Variants in ALOX5 observed in about 807,000 individuals in gnomAD.
ALOX5 encodes the protein polyunsaturated fatty acid 5-lipoxygenase.
In ALOX5, 64 loss-of-function variants were observed where a neutral mutation model predicts 87.9. The ratio of observed to expected loss-of-function variants is 0.73; its 90% CI spans 0.60 to 0.90. The LOEUF is 0.90. Ranked by LOEUF, ALOX5 falls within the 40% of genes least tolerant of loss-of-function variation. The pLI is 0.00. For missense variants in ALOX5, 822 were observed against 907.5 expected (o/e 0.91, Z 1.21); for synonymous variants, 388 against 355.1 (o/e 1.09, Z -1.04).
intron 4 of ALOX5, among the ~76,000 whole-genome samples, chr10:45,422,831 C>T (rs7073082): frequency 0.77 from 117,666 of 152,124 alleles, 46,053 homozygotes; most frequent in African/African-American, 0.87. Context: ...CTCACAGGTC[C>T]GGAGGCTAGA....
chr10:45,443,518 G>A lies in ALOX5; in HGVS notation c.1554G>A (p.Met518Ile). ...TGAACGATGTCTACGTGTACGGCATGCGGGGCCGCAAGTCCTCAGGTAGGG... is the reference window on the plus strand; with the variant it reads ...TGAACGATGTCTACGTGTACGGCATACGGGGCCGCAAGTCCTCAGGTAGGG... ...DFVNDVYVYGMRGRKSSGFPK... is the reference protein window; with the variant it reads ...DFVNDVYVYGIRGRKSSGFPK... The change falls in exon 11 of 14, where the codon ATG becomes ATA. Residue 518 changes from methionine (M) to isoleucine (I), a missense_variant. By Grantham distance (10) the Met-to-Ile change is conservative (BLOSUM62 1). Transcript: ENST00000374391. 6.2e-7 allele frequency: 1 copy of A among 1,612,828 alleles called. No individual in the cohort carries two copies. Among genetic ancestry groups the A allele is most frequent in the Non-Finnish European group, 8.5e-7 (1 of 1,179,418 alleles).
chr10:45,376,146 C>G (rs1007674426), intron 1 of ALOX5, among the ~76,000 whole-genome samples: 1 of 152,168 alleles, frequency 6.6e-6, no homozygotes, highest in African/African-American at 2.4e-5. Flanking sequence ...GCGGGCTCTT[C>G]GGACAAAGAG....
At position 45,383,610 on chromosome 10, in the gene ALOX5, G is replaced by T. The variant is rs75262268; in HGVS notation, c.349+929G>T. ...GCTAGTGTGTTCTTCACGAAGTTTG[G>T]TGGGGTAGGTAGGAAGAGATGACTG... On this transcript the variant is annotated intron_variant, in intron 2 of 13. Coordinates refer to ENST00000374391, the MANE Select transcript of ALOX5 (RefSeq NM_000698.5). Among the ~76,000 whole-genome samples, 570 of 152,312 alleles carry T rather than the reference G, an allele frequency of 3.7e-3. 2 individuals carry two copies. Among genetic ancestry groups the T allele is most frequent in the African/African-American group, 0.013 (530 of 41,572 alleles).
At position 45,443,196 on chromosome 10, in the gene ALOX5, G is replaced by A. The variant is rs562078963; in HGVS notation, c.1431G>A (p.Leu477=). 1.6e-5 allele frequency: 26 copies of A among 1,613,574 alleles called. No homozygotes were observed. In the East Asian group the frequency reaches 5.1e-4, roughly 32 times the overall value. ...ACTTCTACCGGGACGACGGGCTCCT[G>A]GTGTGGGAAGCCATCAGGACGTGAG... is the stretch of plus-strand genomic sequence containing the variant. The part of the protein sequence containing the change: ...PYYFYRDDGL[L]VWEAIRTFTA... The change falls in exon 10 of 14, where the codon CTG becomes CTA. Residue 477 remains leucine (L), a synonymous_variant. Transcript: ENST00000374391.
At chr10:45,396,984 T>C (rs76238498) in intron 3 of ALOX5, among the ~76,000 whole-genome samples, 2,882 of 152,272 alleles carry the variant, frequency 0.019, 91 homozygotes, top group African/African-American at 0.064. Flanking sequence ...ATCATTTCAA[T>C]AGACATACAA....
At chr10:45,398,129 A>G (rs1435894111) in intron 3 of ALOX5, among the ~76,000 whole-genome samples, 1 of 152,266 alleles carries the variant, frequency 6.6e-6, no homozygotes, top group African/African-American at 2.4e-5. Flanking sequence ...ACAATGTGAT[A>G]TCGGCATAAG....
chr10:45,402,308 C>T (rs1297707333), intron 3 of ALOX5, among the ~76,000 whole-genome samples: 1 of 152,156 alleles, frequency 6.6e-6, no homozygotes, highest in African/African-American at 2.4e-5. Context: ...ATTGCCCCAC[C>T]TCAAAACTGT....
At chr10:45,409,511 C>T (rs1241436743) in intron 3 of ALOX5, among the ~76,000 whole-genome samples, 2 of 145,108 alleles carry the variant, frequency 1.4e-5, no homozygotes, top group African/African-American at 2.5e-5. Flanking sequence ...GTCTGTCTGT[C>T]TCTCTCTCTC....
chr10:45,380,586 T>C (rs1839791324), intron 1 of ALOX5, among the ~76,000 whole-genome samples: 1 of 152,234 alleles, frequency 6.6e-6, no homozygotes, highest in Non-Finnish European at 1.5e-5. Flanking sequence ...GCCATCATGC[T>C]GAGAACTCTA....
chr10:45,404,690 C>T (rs940596473), intron 3 of ALOX5, among the ~76,000 whole-genome samples: 23 of 152,332 alleles, frequency 1.5e-4, no homozygotes, highest in East Asian at 5.8e-4. Flanking sequence ...GATGGGCAGG[C>T]GGGCTGTCTT....
In ALOX5 at chr10:45,445,863, C is replaced by T; in HGVS notation, c.*176C>T. 1.4e-6 allele frequency: 1 copy of T among 713,938 alleles called. No individual in the cohort carries two copies. The highest frequency in any genetic ancestry group is 2.3e-6 in the Non-Finnish European group (1 of 440,616). 44.2% of individuals were successfully genotyped at this position (713,938 alleles called of 1,614,324 possible). On this transcript the variant is annotated 3_prime_UTR_variant, in exon 14 of 14. Coordinates refer to ENST00000374391, the MANE Select transcript of ALOX5 (RefSeq NM_000698.5). ...CTGCATAGATTGATCAAAGTGTAAA[C>T]ACCATAGGGACCCATTCTACACAGA...
intron 4 of ALOX5, among the ~76,000 whole-genome samples, chr10:45,416,921 CAGAG>C (rs915970089): frequency 3.3e-5 from 5 of 150,878 alleles, no homozygotes; most frequent in South Asian, 2.1e-4. Context: ...GAAGTATAGA[CAGAG>C]AGATGGATGG....
chr10:45,404,191 G>A lies in ALOX5; in HGVS notation c.432-8000G>A, dbSNP rs545532265. ...TTTTTCTTCCTCCTTCCACTCATCTGTCCTTTTCAGAAACCCTCCTTTGCT... is the reference window on the plus strand; with the variant it reads ...TTTTTCTTCCTCCTTCCACTCATCTATCCTTTTCAGAAACCCTCCTTTGCT... On this transcript the variant is annotated intron_variant, in intron 3 of 13. Coordinates refer to ENST00000374391, the MANE Select transcript of ALOX5 (RefSeq NM_000698.5). 1.3e-4 allele frequency among the ~76,000 whole-genome samples: 20 copies of A among 152,130 alleles called. 1 individual carries two copies. The South Asian group carries it at 4.2e-3, about 32-fold the overall frequency.
At chr10:45,439,650 G>A (rs367789521) in intron 7 of ALOX5, among the ~76,000 whole-genome samples, 3 of 152,354 alleles carry the variant, frequency 2.0e-5, no homozygotes, top group East Asian at 3.9e-4. Context: ...GTGAGGCTGT[G>A]TGTACAGAGG....
chr10:45,375,179 GC>G (rs2132659355), intron 1 of ALOX5, among the ~76,000 whole-genome samples: 1 of 152,278 alleles, frequency 6.6e-6, no homozygotes, highest in Admixed American at 6.5e-5. Flanking sequence ...AAATGGAGGG[GC>G]TGCACTCCCT....
At chr10:45,427,136 G>A (rs188577862) in intron 6 of ALOX5, among the ~76,000 whole-genome samples, 61 of 152,338 alleles carry the variant, frequency 4.0e-4, no homozygotes, top group African/African-American at 1.2e-3. Context: ...GGAGGCTTGG[G>A]ATAACAGAGA....
chr10:45,406,909 CCT>C (rs1418667508), intron 3 of ALOX5, among the ~76,000 whole-genome samples: 1 of 152,082 alleles, frequency 6.6e-6, no homozygotes, highest in Non-Finnish European at 1.5e-5. Flanking sequence ...GATGAACATC[CCT>C]CTCATATTTT....
chr10:45,443,823 G>T lies in ALOX5; in HGVS notation c.1669G>T (p.Gly557Cys). Residue 557 changes from glycine (G) to cysteine (C), a missense_variant, in exon 12 of 14, where the codon GGC (glycine) becomes TGC (cysteine). Gly to Cys is a radical substitution (Grantham distance 159, BLOSUM62 -3). Coordinates refer to ENST00000374391, the MANE Select transcript of ALOX5 (RefSeq NM_000698.5). The stretch of plus-strand genomic sequence containing the variant: ...CGCCCAGCACGCCGCGGTCAACTTC[G>T]GCCAGGTAGGCAGGGCCGGGCCCGC... ...ASAQHAAVNF[G>C]QYDWCSWIPN... 6.2e-7 allele frequency: 1 copy of T among 1,604,712 alleles called. No homozygotes were observed.
intron 1 of ALOX5, among the ~76,000 whole-genome samples, chr10:45,380,004 G>A (rs1438860318): frequency 6.6e-6 from 1 of 152,070 alleles, no homozygotes; most frequent in African/African-American, 2.4e-5. Flanking sequence ...CTGGCGTGGG[G>A]CAGGCCCGAC....
Sources: allele counts gnomAD v4.1 joint callset (sites outside exome capture counted in the v4.1 genomes callset), GRCh38; gene constraint gnomAD v4.1.1; transcripts MANE v1.5; gene names NCBI Gene and HGNC (gene_info 2026-07-23, HGNC 2026-07-21).